The following BCO2 variants were observed in gnomAD, a reference collection of about 807,000 sequenced individuals.
BCO2 encodes beta-carotene oxygenase 2.
BCO2 carries 56 observed loss-of-function variants against 65.8 expected under a neutral mutation model. The observed-to-expected ratio is 0.85, with a 90% confidence interval of 0.69 to 1.06. The LOEUF (loss-of-function observed/expected upper bound fraction) is 1.06. Among genes scored for constraint, BCO2 ranks in the 50% least tolerant of loss-of-function variants. The pLI, the probability that BCO2 is intolerant of heterozygous loss-of-function variation, is 0.00. For synonymous variants in BCO2, 233 were observed against 242.3 expected, an observed-to-expected ratio of 0.96 and a Z score of 0.36; for missense variants, 675 against 698.5, an observed-to-expected ratio of 0.97 and a Z score of 0.38.
intron 6 of BCO2, 73 bp from the exon 7 acceptor site, chr11:112,200,540 C>A: frequency 1.4e-6 from 2 of 1,379,692 alleles, no homozygotes; most frequent in Non-Finnish European, 2.0e-6. Flanking sequence ...TCAGACAAGT[C>A]CCCATAACTG....
In BCO2 at chr11:112,210,852, A is replaced by G. The variant is rs546873539; in HGVS notation, c.1195-2872A>G. ...GTAAATTTCCCAGTTGTGATATTAT[A>G]TTATAATTATGCAAGACATTCCTAC... On this transcript the variant is annotated intron_variant, in intron 8 of 11. Transcript: ENST00000357685. Among the ~76,000 whole-genome samples the G allele has an allele frequency of 3.3e-5, 5 of 152,178 alleles. No individual in the cohort carries two copies. The East Asian group carries it at 9.7e-4, about 30-fold the overall frequency.
rs1408460225 is a variant in BCO2 at position 112,179,186 on chromosome 11, GC to G, written c.89-90del. 3.0e-5 allele frequency: 36 copies of G among 1,192,784 alleles called. No individual in the cohort carries two copies. The African/African-American group carries it at 3.6e-4, about 12-fold the overall frequency. 73.9% of individuals were successfully genotyped at this position (1,192,784 alleles called of 1,614,324 possible). A position where few individuals can be genotyped will look rare whatever the true frequency, so the allele number is the denominator to read the frequency against. ...GTTAGGTTTATGTTTCCCTCAAGCT[GC>G]CAGTTGATAAGATTATTGTCTGTGG... On this transcript the variant is annotated intron_variant, in intron 1 of 11. Transcript: ENST00000357685.
At chr11:112,203,415 T>C (rs1439956239) in intron 8 of BCO2, among the ~76,000 whole-genome samples, 1 of 152,228 alleles carries the variant, frequency 6.6e-6, no homozygotes, top group African/African-American at 2.4e-5. Flanking sequence ...GCCTTTTGCA[T>C]GTCTATAAAT....
At chr11:112,195,746 AATTAC>A (rs1191415781) in intron 5 of BCO2, among the ~76,000 whole-genome samples, 5 of 152,152 alleles carry the variant, frequency 3.3e-5, no homozygotes, top group African/African-American at 1.2e-4. Context: ...GCCTGGTCTG[AATTAC>A]ATATTCTAAA....
intron 9 of BCO2, among the ~76,000 whole-genome samples, chr11:112,214,470 A>G (rs1315477968): frequency 6.6e-6 from 1 of 152,178 alleles, no homozygotes. Context: ...CTTTTAGATA[A>G]TATGTGCTTA....
intron 2 of BCO2, among the ~76,000 whole-genome samples, chr11:112,185,283 A>G (rs1427679093): frequency 2.6e-5 from 4 of 152,232 alleles, no homozygotes; most frequent in Admixed American, 6.5e-5. Flanking sequence ...TGCAGATTTT[A>G]GATCTAATGT....
intron 5 of BCO2, among the ~76,000 whole-genome samples, chr11:112,195,020 CTATCT>C (rs113028092): frequency 0.23 from 34,414 of 151,424 alleles, 3,986 homozygotes; most frequent in Middle Eastern, 0.26. Context: ...TTTGGTCTAT[CTATCT>C]TATCTTGATC....
chr11:112,179,694 G>A, intron 2 of BCO2: 1 of 555,072 alleles, frequency 1.8e-6, no homozygotes, highest in Middle Eastern at 4.9e-4. Flanking sequence ...TAAATTTGAA[G>A]CCCTCTGTGG....
intron 8 of BCO2, among the ~76,000 whole-genome samples, chr11:112,210,264 G>C (rs756062956): frequency 7.2e-5 from 11 of 152,068 alleles, no homozygotes; most frequent in Non-Finnish European, 1.6e-4. Flanking sequence ...GTTATCTGTT[G>C]TTTATTTTGG....
chr11:112,193,965 G>T lies in BCO2; in HGVS notation c.604G>T (p.Asp202Tyr). The T allele has an allele frequency of 6.2e-7, 1 of 1,606,746 alleles. No homozygotes were observed. ...TGAGACCAACTTTATGAATAAAGTG[G>T]ACATTGAAACTCTGGAAAAAACAGA... Reference protein sequence around the residue: ...CTETNFMNKVDIETLEKTEKV... With the variant: ...CTETNFMNKVYIETLEKTEKV... Residue 202 changes from aspartate to tyrosine, a missense_variant, in exon 4 of 12, where the codon GAC (aspartate) becomes TAC (tyrosine). Coordinates refer to ENST00000357685, the MANE Select transcript of BCO2 (RefSeq NM_031938.7).
At chr11:112,183,305 A>G (rs1482178186) in intron 2 of BCO2, 1 of 634,380 alleles carries the variant, frequency 1.6e-6, no homozygotes, top group Non-Finnish European at 2.9e-6. Flanking sequence ...AAATTTTAAA[A>G]AAACATTTAG....
intron 8 of BCO2, among the ~76,000 whole-genome samples, chr11:112,207,167 C>T (rs1006409472): frequency 1.1e-4 from 16 of 152,088 alleles, no homozygotes; most frequent in Non-Finnish European, 2.4e-4. Flanking sequence ...ATTTCTTTTT[C>T]TCGCCTTACT....
intron 2 of BCO2, among the ~76,000 whole-genome samples, chr11:112,192,924 G>GGTTTTTT (rs1867433315): frequency 2.7e-4 from 1 of 3,648 alleles, no homozygotes; most frequent in Non-Finnish European, 1.4e-3. Flanking sequence ...TAAAATGTGA[G>GGTTTTTT]GTTTTTTTTT....
At chr11:112,195,496 G>A (rs554887693) in intron 5 of BCO2, among the ~76,000 whole-genome samples, 2 of 151,596 alleles carry the variant, frequency 1.3e-5, no homozygotes, top group East Asian at 3.9e-4. Flanking sequence ...AGGCTGGAAT[G>A]CCGTGGCACG....
At position 112,216,337 on chromosome 11, in the gene BCO2, A is replaced by G. The variant is rs1859678041; in HGVS notation, c.1626+7A>G. On this transcript the variant is annotated splice_region_variant and intron_variant, in intron 11 of 11. Coordinates refer to ENST00000357685, the MANE Select transcript of BCO2 (RefSeq NM_031938.7). ...GGTGATCACTCCCAACCAGGTAAATATATTTCCCTATCACCAGTCAGAAAG... is the reference window on the plus strand; with the variant it reads ...GGTGATCACTCCCAACCAGGTAAATGTATTTCCCTATCACCAGTCAGAAAG... The G allele has an allele frequency of 6.3e-7, 1 of 1,597,816 alleles. No individual in the cohort carries two copies. The highest frequency in any genetic ancestry group is 2.2e-5 in the East Asian group (1 of 44,806).
At chr11:112,190,408 A>C (rs893367241) in intron 2 of BCO2, among the ~76,000 whole-genome samples, 1 of 152,242 alleles carries the variant, frequency 6.6e-6, no homozygotes, top group Non-Finnish European at 1.5e-5. Context: ...AATTTCAAGA[A>C]TACAAGTTAG....
chr11:112,182,787 G>A (rs1867090262), intron 2 of BCO2: 1 of 613,734 alleles, frequency 1.6e-6, no homozygotes. Flanking sequence ...CACCAACATG[G>A]CACATGTGTA....
Position 112,198,679 on chromosome 11 carries a change from G to A in BCO2, c.737-1020G>A, listed in dbSNP as rs141699252. 5.9e-3 allele frequency among the ~76,000 whole-genome samples: 901 copies of A among 152,188 alleles called. 16 individuals are homozygous for A. Among genetic ancestry groups the A allele is most frequent in the African/African-American group, 0.021 (858 of 41,526 alleles). On this transcript the variant is annotated intron_variant, in intron 5 of 11. Transcript: ENST00000357685. Reference sequence around the variant, plus strand: ...AAGAGCCAGTAAGCAATAGCCAGATGAATGATTGCATGAAAGAATGTTGAT... The same window carrying A: ...AAGAGCCAGTAAGCAATAGCCAGATAAATGATTGCATGAAAGAATGTTGAT...
At chr11:112,217,354 C>T (rs1859709104) in intron 11 of BCO2, among the ~76,000 whole-genome samples, 1 of 151,956 alleles carries the variant, frequency 6.6e-6, no homozygotes, top group Non-Finnish European at 1.5e-5. Context: ...CTCTTTCTTT[C>T]TCTCTCTCTC....
Sources: allele counts gnomAD v4.1 joint callset (sites outside exome capture counted in the v4.1 genomes callset), GRCh38; gene constraint gnomAD v4.1.1; transcripts MANE v1.5; gene names NCBI Gene and HGNC (gene_info 2026-07-23, HGNC 2026-07-21).